Variants in PMEPA1 observed in about 807,000 individuals in gnomAD.
PMEPA1 encodes prostate transmembrane protein, androgen induced 1.
In PMEPA1, 11 loss-of-function variants were observed where a neutral mutation model predicts 23.0. That is an observed-to-expected ratio of 0.48 (90% CI 0.30 to 0.79). The LOEUF (loss-of-function observed/expected upper bound fraction) is 0.79. Among genes scored for constraint, PMEPA1 ranks in the 30% least tolerant of loss-of-function variants. PMEPA1 has a pLI of 0.06. For missense variants in PMEPA1, 377 were observed against 390.9 expected (o/e 0.96, Z 0.30); for synonymous variants, 204 against 166.4 (o/e 1.23, Z -1.74).
chr20:57,673,532 C>G (rs1255924697), intron 1 of PMEPA1, among the ~76,000 whole-genome samples: 2 of 152,198 alleles, frequency 1.3e-5, no homozygotes, highest in East Asian at 3.9e-4. Context: ...GGAGTCCAGT[C>G]TCTAACTGGT....
chr20:57,677,146 C>T (rs550527994), intron 1 of PMEPA1, among the ~76,000 whole-genome samples: 106 of 152,344 alleles, frequency 7.0e-4, no homozygotes, highest in African/African-American at 2.3e-3. Context: ...TTCTCTTACT[C>T]TGCATCGCCT....
chr20:57,652,116 C>T lies in PMEPA1; in HGVS notation c.801G>A (p.Ala267=), dbSNP rs1355477553. Reference sequence around the variant, plus strand: ...TCCAGATGGCTGCGCTCTCTAGGGGCGCGATGTGTGTGTGGTGGAGCCGGG... The same window carrying T: ...TCCAGATGGCTGCGCTCTCTAGGGGTGCGATGTGTGTGTGGTGGAGCCGGG... ...EGTRLHHTHI[A]PLESAAIWSK... Residue 267 remains alanine (A), a synonymous_variant, in exon 4 of 4, where the codon GCG becomes GCA. Transcript: ENST00000341744. This position sits in a 1 kb window ranked among gnomAD's most constrained non-coding sequence, Gnocchi z 6.1. 2 of 1,583,530 alleles carry T rather than the reference C, an allele frequency of 1.3e-6. No individual in the cohort carries two copies. The highest frequency in any genetic ancestry group is 1.7e-6 in the Non-Finnish European group (2 of 1,163,842).
Position 57,652,153 on chromosome 20 carries a change from A to C in PMEPA1, c.764T>G (p.Leu255Trp), listed in dbSNP as rs2071244805. The C allele has an allele frequency of 6.2e-7, 1 of 1,602,760 alleles. No homozygotes were observed. The highest frequency in any genetic ancestry group is 1.7e-5 in the Admixed American group (1 of 58,278). Residue 255 changes from leucine (L) to tryptophan (W), a missense_variant, in exon 4 of 4, where the codon TTG becomes TGG. Around this residue, in one of 3 missense-constraint regions of PMEPA1, gnomAD observed 176 missense variants for 173.0 expected, o/e 1.02. Coordinates refer to ENST00000341744, the MANE Select transcript of PMEPA1 (RefSeq NM_020182.5). The surrounding 1 kb of genome is among the most constrained non-coding windows in gnomAD (Gnocchi z 6.1). The stretch of plus-strand genomic sequence containing the variant: ...GTGGTGGAGCCGGGTCCCCTCCAGC[A>C]AGGAGGGCGGCCCACTGCTCTGCTG... ...QHQQSSGPPS[L>W]LEGTRLHHTH... is the part of the protein sequence containing the mutation.
At chr20:57,699,257 ACACTCTCGGGCAGCCAT>A (rs1225428933) in intron 1 of PMEPA1, among the ~76,000 whole-genome samples, 4 of 152,202 alleles carry the variant, frequency 2.6e-5, no homozygotes, top group Non-Finnish European at 4.4e-5. Context: ...CGCCCAGCTC[ACACTCTCGGGCAGCCAT>A]CCTGCTTACC....
intron 2 of PMEPA1, among the ~76,000 whole-genome samples, chr20:57,654,508 CTT>C (rs2071299043): frequency 6.6e-6 from 1 of 152,090 alleles, no homozygotes; most frequent in African/African-American, 2.4e-5. Flanking sequence ...GCTCCTACCC[CTT>C]AAGGAGGTCT....
In PMEPA1 at chr20:57,649,915, GAA is replaced by G; in HGVS notation, c.*2136_*2137del. Reference sequence around the variant, plus strand: ...GGCACTAGAGACGCGTCACATAAAGGAAAGATACGTTTTAATCATCTTTACAA... The same window carrying G: ...GGCACTAGAGACGCGTCACATAAAGGAGATACGTTTTAATCATCTTTACAA... On this transcript the variant is annotated 3_prime_UTR_variant, in exon 4 of 4. Coordinates refer to ENST00000341744, the MANE Select transcript of PMEPA1 (RefSeq NM_020182.5). 1 of 152,756 alleles carries G rather than the reference GAA, an allele frequency of 6.5e-6. No individual in the cohort carries two copies. The highest frequency in any genetic ancestry group is 2.1e-4 in the South Asian group (1 of 4,816). The allele number at this position is 152,756 out of a possible 1,614,324, so 9.5% of individuals were successfully genotyped here.
At chr20:57,710,217 G>T, upstream of PMEPA1, 1 of 509,552 alleles carries the variant, frequency 2.0e-6, no homozygotes, top group Non-Finnish European at 3.2e-6. Flanking sequence ...GAGGGGCGCT[G>T]TGCCCTCTCC....
At chr20:57,670,857 G>A (rs914124853) in intron 1 of PMEPA1, among the ~76,000 whole-genome samples, 1 of 152,014 alleles carries the variant, frequency 6.6e-6, no homozygotes, top group Non-Finnish European at 1.5e-5. Context: ...ATTCATTTCC[G>A]AAGCTTTGGG....
chr20:57,691,366 G>A (rs1199010230), intron 1 of PMEPA1, among the ~76,000 whole-genome samples: 4 of 152,312 alleles, frequency 2.6e-5, no homozygotes, highest in Admixed American at 2.0e-4. Context: ...GAGGGGCTGC[G>A]CTAGGGGTTC....
rs1249671786 is a variant in PMEPA1 at position 57,680,182 on chromosome 20, C to G, written c.110-20485G>C. 2.0e-5 allele frequency among the ~76,000 whole-genome samples: 3 copies of G among 152,250 alleles called. No individual in the cohort carries two copies. In the East Asian group the frequency reaches 5.8e-4, roughly 29 times the overall value. On this transcript the variant is annotated intron_variant, in intron 1 of 3. Coordinates refer to ENST00000341744, the MANE Select transcript of PMEPA1 (RefSeq NM_020182.5). ...ACACCAGCGGGGAGAGCTGCAGCCA[C>G]TCCAGCTTTAGCTGGGTTGTGCTAA...
chr20:57,668,582 C>T (rs968767168), intron 1 of PMEPA1, among the ~76,000 whole-genome samples: 7 of 152,322 alleles, frequency 4.6e-5, no homozygotes, highest in Admixed American at 2.6e-4. Flanking sequence ...AAGCAGGCCC[C>T]GGTCCAGCGC....
chr20:57,654,114 A>T (rs1186965025), intron 2 of PMEPA1, among the ~76,000 whole-genome samples: 3 of 152,128 alleles, frequency 2.0e-5, no homozygotes, highest in African/African-American at 7.2e-5. Flanking sequence ...AGCTTATGCC[A>T]TCTGCTCTGA....
intron 1 of PMEPA1, among the ~76,000 whole-genome samples, chr20:57,676,065 C>T (rs1025460131): frequency 3.9e-5 from 6 of 152,232 alleles, no homozygotes; most frequent in African/African-American, 9.6e-5. Context: ...TCTGGGAAGA[C>T]GAGGTTCTGA....
chr20:57,691,891 C>G (rs1036153502), intron 1 of PMEPA1: 3 of 152,302 alleles, frequency 2.0e-5, no homozygotes, highest in African/African-American at 7.2e-5. Context: ...GGAAACAGAA[C>G]CCTGGGTGTG....
At chr20:57,665,741 C>G (rs2146657079) in intron 1 of PMEPA1, among the ~76,000 whole-genome samples, 1 of 152,318 alleles carries the variant, frequency 6.6e-6, no homozygotes, top group Non-Finnish European at 1.5e-5. Flanking sequence ...GCTTCTGTCC[C>G]CAAGGTGGGA....
At chr20:57,653,995 G>A (rs756680653) in intron 2 of PMEPA1, among the ~76,000 whole-genome samples, 13 of 152,120 alleles carry the variant, frequency 8.5e-5, no homozygotes, top group African/African-American at 1.2e-4. Flanking sequence ...TGCCCAAGGC[G>A]GCTGCTCTGC....
rs2071752507 is a variant in PMEPA1, at chr20:57,683,554, C to CGTGCGTGCGTGT, written c.110-23858_110-23857insACACGCACGCAC. Among the ~76,000 whole-genome samples, 4 of 106,310 alleles carry CGTGCGTGCGTGT rather than the reference C, an allele frequency of 3.8e-5. No individual in the cohort carries two copies. Among genetic ancestry groups the CGTGCGTGCGTGT allele is most frequent in the African/African-American group, 1.0e-4 (4 of 38,130 alleles). The allele number at this position is 106,310 out of a possible 152,430, so 69.7% of individuals were successfully genotyped here. On this transcript the variant is annotated intron_variant, in intron 1 of 3. Transcript: ENST00000341744. This position sits in a 1 kb window ranked among gnomAD's most constrained non-coding sequence, Gnocchi z 4.3. ...CGGTGGTGGTGTTCTGGCCTGTGTG[C>CGTGCGTGCGTGT]GTGTGTGTGTGTGTGTGTGTGTGTG...
chr20:57,708,895 T>C (rs1390843240), intron 1 of PMEPA1, among the ~76,000 whole-genome samples: 1 of 151,456 alleles, frequency 6.6e-6, no homozygotes, highest in Non-Finnish European at 1.5e-5. Flanking sequence ...ACACGCACTC[T>C]TGGGCAAGAC....
At chr20:57,679,969 C>T in intron 1 of PMEPA1, among the ~76,000 whole-genome samples, 1 of 152,202 alleles carries the variant, frequency 6.6e-6, no homozygotes, top group African/African-American at 2.4e-5. Context: ...CCTTCCAGTT[C>T]CTTGGGTACA....
Sources: allele counts gnomAD v4.1 joint callset (sites outside exome capture counted in the v4.1 genomes callset), GRCh38; gene constraint gnomAD v4.1.1; regional missense constraint gnomAD v4.1.1; non-coding constraint Gnocchi (gnomAD v3.1); transcripts MANE v1.5; gene names NCBI Gene and HGNC (gene_info 2026-07-23, HGNC 2026-07-21).